Variants in RBPJ observed in about 807,000 individuals in gnomAD.
RBPJ encodes recombining binding protein suppressor of hairless.
Under a neutral mutation model 67.8 loss-of-function variants are expected in RBPJ, and 9 were observed. That is an observed-to-expected ratio of 0.13 (90% CI 0.08 to 0.23). RBPJ has a LOEUF of 0.23. Ranked by LOEUF, RBPJ falls within the 10% of genes least tolerant of loss-of-function variation. The pLI, the probability that RBPJ is intolerant of heterozygous loss-of-function variation, is 1.00. For synonymous variants in RBPJ, 198 were observed against 203.3 expected (o/e 0.97, Z 0.22); for missense variants, 305 against 595.6 (o/e 0.51, Z 5.08).
In RBPJ at chr4:26,214,807, A is replaced by G. The variant is rs1465716987; in HGVS notation, c.-167+51193A>G. On this transcript the variant is annotated intron_variant, in intron 1 of 4. Transcript: ENST00000512351. ...AGAAAAAGAGAAGGAAGGAAGGGAA[A>G]AGAGAGAGAGAGAAAAGAGAAAGAA... 2.1e-4 allele frequency among the ~76,000 whole-genome samples: 23 copies of G among 107,954 alleles called. No homozygotes were observed. The Admixed American group carries it at 2.5e-3, about 12-fold the overall frequency. 70.8% of individuals were successfully genotyped at this position (107,954 alleles called of 152,430 possible). A position where few individuals can be genotyped will look rare whatever the true frequency, so the allele number is the denominator to read the frequency against.
At chr4:26,267,722 C>T (rs1236773597) in intron 1 of RBPJ, among the ~76,000 whole-genome samples, 2 of 152,018 alleles carry the variant, frequency 1.3e-5, no homozygotes, top group South Asian at 2.1e-4. Flanking sequence ...ATTCTCCTGC[C>T]CCAACCTCTT....
chr4:26,281,392 C>T (rs1721268381), intron 1 of RBPJ, among the ~76,000 whole-genome samples: 1 of 152,144 alleles, frequency 6.6e-6, no homozygotes, highest in Non-Finnish European at 1.5e-5. Context: ...AATTCTCCTG[C>T]CTCAGCCTCC....
the RBPJ span, among the ~76,000 whole-genome samples, chr4:26,152,996 A>G: frequency 2.0e-5 from 3 of 151,666 alleles, no homozygotes; most frequent in Non-Finnish European, 4.4e-5. Flanking sequence ...TTGCATATAT[A>G]TAATGAGATA....
chr4:26,317,050 A>G (rs1722675230), upstream of RBPJ, among the ~76,000 whole-genome samples: 1 of 151,690 alleles, frequency 6.6e-6, no homozygotes, highest in Non-Finnish European at 1.5e-5. Flanking sequence ...TTGTTCCAGC[A>G]GCTAAGGCTT....
chr4:26,337,552 C>T (rs1404958254), intron 1 of RBPJ, among the ~76,000 whole-genome samples: 1 of 151,724 alleles, frequency 6.6e-6, no homozygotes, highest in Admixed American at 6.6e-5. Flanking sequence ...ATACTGCTGC[C>T]ACAAACATAT....
At chr4:26,179,143 A>G (rs1298600512) in intron 1 of RBPJ, among the ~76,000 whole-genome samples, 1 of 152,032 alleles carries the variant, frequency 6.6e-6, no homozygotes, top group African/African-American at 2.4e-5. Context: ...AAAAGCAAGC[A>G]CAACCACTGG....
In RBPJ at chr4:26,209,444, T is replaced by C. The variant is rs564256732; in HGVS notation, c.-167+45830T>C. Among the ~76,000 whole-genome samples the C allele has an allele frequency of 1.4e-3, 219 of 152,224 alleles. 1 individual carries two copies. Among genetic ancestry groups the C allele is most frequent in the Middle Eastern group, 3.4e-3 (1 of 294 alleles). On this transcript the variant is annotated intron_variant, in intron 1 of 4. Transcript: ENST00000512351. ...ACTTAGTCATTCCAGGGTCAAGTTGTGGAAAAAAGTTTTGTGTTTAAATTA... is the reference window on the plus strand; with the variant it reads ...ACTTAGTCATTCCAGGGTCAAGTTGCGGAAAAAAGTTTTGTGTTTAAATTA...
In RBPJ at chr4:26,344,296, G is replaced by A. The variant is rs192275957; in HGVS notation, c.20+23248G>A. Among the ~76,000 whole-genome samples the A allele has an allele frequency of 9.0e-4, 137 of 152,208 alleles. 2 individuals are homozygous for A. Among genetic ancestry groups the A allele is most frequent in the African/African-American group, 2.8e-3 (118 of 41,540 alleles). ...GTCACCCAGGCTGGAGTGCAGTGGC[G>A]TGATTTCGGCTCACTGCAAGCTCTG... is the stretch of plus-strand genomic sequence containing the variant. On this transcript the variant is annotated intron_variant, in intron 1 of 10. Coordinates refer to ENST00000355476, the MANE Select transcript of RBPJ (RefSeq NM_015874.6).
rs568722539 is a variant in RBPJ at position 26,190,747 on chromosome 4, A to G, written c.-167+27133A>G. On this transcript the variant is annotated intron_variant, in intron 1 of 4. Transcript: ENST00000512351. ...CTTCTCTGTAACAGCAAAAATATTT[A>G]TCTAGAGTAAGCTGTCAATCAATGC... Among the ~76,000 whole-genome samples the G allele has an allele frequency of 2.6e-5, 4 of 152,212 alleles. No homozygotes were observed. In the East Asian group the frequency reaches 7.7e-4, roughly 29 times the overall value.
intron 1 of RBPJ, among the ~76,000 whole-genome samples, chr4:26,247,528 G>A (rs1016492350): frequency 2.6e-5 from 4 of 151,692 alleles, no homozygotes; most frequent in African/African-American, 7.3e-5. Context: ...CTCCTGCCTC[G>A]GCCTCCCGAG....
In RBPJ at chr4:26,429,889, C is replaced by T. The variant is rs1490315763; in HGVS notation, c.889-9C>T. ...TAAAACTTAGTTTCTAAACTTCTTTCTTTATTAGGCCACTCCATGTCCAAA... is the reference window on the plus strand; with the variant it reads ...TAAAACTTAGTTTCTAAACTTCTTTTTTTATTAGGCCACTCCATGTCCAAA... On this transcript the variant is annotated splice_polypyrimidine_tract_variant and intron_variant, in intron 8 of 10. Coordinates refer to ENST00000355476, the MANE Select transcript of RBPJ (RefSeq NM_015874.6). The T allele has an allele frequency of 6.2e-7, 1 of 1,610,892 alleles. No homozygotes were observed. The highest frequency in any genetic ancestry group is 8.5e-7 in the Non-Finnish European group (1 of 1,179,106).
At chr4:26,404,625 T>G (rs1315894463) in intron 2 of RBPJ, among the ~76,000 whole-genome samples, 2 of 152,210 alleles carry the variant, frequency 1.3e-5, no homozygotes, top group Non-Finnish European at 2.9e-5. Context: ...TAGCAGTACT[T>G]ATCTTTTTGG....
intron 1 of RBPJ, among the ~76,000 whole-genome samples, chr4:26,202,741 TTACAAAAACA>T (rs531247803): frequency 6.6e-6 from 1 of 151,656 alleles, no homozygotes; most frequent in African/African-American, 2.4e-5. Flanking sequence ...AATCCCATCT[TTACAAAAACA>T]TACAAAAACT....
At chr4:26,160,080 G>A (rs186014495), upstream of RBPJ, among the ~76,000 whole-genome samples, 65 of 151,926 alleles carry the variant, frequency 4.3e-4, 1 homozygote, top group African/African-American at 1.5e-3. Context: ...CACCGTGCCC[G>A]GCTAATTTTT....
At chr4:26,324,180 T>G (rs1482548091) in intron 1 of RBPJ, among the ~76,000 whole-genome samples, 1 of 152,200 alleles carries the variant, frequency 6.6e-6, no homozygotes, top group African/African-American at 2.4e-5. Context: ...CTAGGAATTG[T>G]TACTGAAATA....
At chr4:26,393,785 A>AT (rs745895427) in intron 2 of RBPJ, among the ~76,000 whole-genome samples, 20 of 151,826 alleles carry the variant, frequency 1.3e-4, no homozygotes, top group Non-Finnish European at 1.9e-4. Context: ...ATATTTTAAC[A>AT]TTTTTTCTCT....
At chr4:26,204,357 G>C (rs1395939266) in intron 1 of RBPJ, among the ~76,000 whole-genome samples, 1 of 152,194 alleles carries the variant, frequency 6.6e-6, no homozygotes, top group African/African-American at 2.4e-5. Context: ...AATGAAAGAG[G>C]TGTCGCCTTT....
chr4:26,188,104 G>C (rs902677716), intron 1 of RBPJ, among the ~76,000 whole-genome samples: 2 of 152,128 alleles, frequency 1.3e-5, no homozygotes, highest in African/African-American at 2.4e-5. Flanking sequence ...AGCTACTTGG[G>C]AGGCCAAGGC....
Position 26,270,090 on chromosome 4 carries a change from C to T in RBPJ, c.-166-92356C>T, listed in dbSNP as rs377345028. ...TGAGGTAAGGAGTTCAAGACCAGTC[C>T]GGGCAACATGGCAAAACCTCACCTC... On this transcript the variant is annotated intron_variant, in intron 1 of 4. Coordinates refer to the RBPJ transcript ENST00000512351. Among the ~76,000 whole-genome samples the T allele has an allele frequency of 1.1e-4, 17 of 151,336 alleles. No homozygotes were observed. In the East Asian group the frequency reaches 2.0e-3, roughly 17 times the overall value.
Sources: allele counts gnomAD v4.1 joint callset (sites outside exome capture counted in the v4.1 genomes callset), GRCh38; gene constraint gnomAD v4.1.1; transcripts MANE v1.5; gene names NCBI Gene and HGNC (gene_info 2026-07-23, HGNC 2026-07-21).